Variants in SPRY3 observed in about 807,000 individuals in gnomAD.
SPRY3 encodes sprouty RTK signaling antagonist 3, also known as protein sprouty homolog 3.
A neutral mutation model predicts 20.2 loss-of-function variants in SPRY3; 15 were observed. The observed-to-expected ratio is 0.74, with a 90% CI of 0.50 to 1.14. The LOEUF is 1.14. Ranked by LOEUF, SPRY3 falls within the 50% of genes most tolerant of loss-of-function variation. The pLI, the probability that SPRY3 is intolerant of heterozygous loss-of-function variation, is 0.00. For synonymous variants in SPRY3, 143 were observed against 136.5 expected (o/e 1.05, Z -0.33); for missense variants, 364 against 363.9 (o/e 1.00, Z 0.00).
chrX:155,742,233 T>C lies in SPRY3; in HGVS notation c.-281-25729T>C, dbSNP rs773656713. ...AAAATAGATTTTAGACCAACAAAGATCAAAAAAGACAAAGGGCATTACATA... is the reference window on the plus strand; with the variant it reads ...AAAATAGATTTTAGACCAACAAAGACCAAAAAAGACAAAGGGCATTACATA... On this transcript the variant is annotated intron_variant, in intron 2 of 3. Transcript: ENST00000675360. Among the ~76,000 whole-genome samples the C allele has an allele frequency of 1.6e-4, 24 of 151,818 alleles. 1 individual carries two copies. In the South Asian group the frequency reaches 5.0e-3, roughly 32 times the overall value.
chrX:155,658,995 G>A (rs1557353279), intron 2 of SPRY3, among the ~76,000 whole-genome samples: 1 of 111,263 alleles, frequency 9.0e-6, no homozygotes, highest in East Asian at 2.8e-4. Flanking sequence ...TTATTAATTT[G>A]CATGTGTTGA....
chrX:155,711,516 C>A (rs777186993), intron 2 of SPRY3, among the ~76,000 whole-genome samples: 56 of 151,462 alleles, frequency 3.7e-4, no homozygotes, highest in Middle Eastern at 3.4e-3. Flanking sequence ...TGTTTCATCT[C>A]TGATTTTATT....
intron 2 of SPRY3, among the ~76,000 whole-genome samples, chrX:155,657,514 G>A (rs2067995926): frequency 8.9e-6 from 1 of 112,409 alleles, no homozygotes; most frequent in Non-Finnish European, 1.9e-5. Flanking sequence ...CTAGCAGCAA[G>A]AATTTCAAGC....
chrX:155,634,029 C>T (rs1268348989), intron 1 of SPRY3, among the ~76,000 whole-genome samples: 3 of 109,623 alleles, frequency 2.7e-5, no homozygotes, highest in East Asian at 2.9e-4. Flanking sequence ...TGCAGTGAGC[C>T]GAGGTCACGC....
At chrX:155,751,054 G>A (rs2091259855) in intron 2 of SPRY3, among the ~76,000 whole-genome samples, 2 of 151,814 alleles carry the variant, frequency 1.3e-5, no homozygotes, top group South Asian at 2.1e-4. Context: ...GTGAATGGCA[G>A]TAAAAAGTAA....
At chrX:155,770,379 C>T (rs993068608) in intron 3 of SPRY3, among the ~76,000 whole-genome samples, 2 of 152,124 alleles carry the variant, frequency 1.3e-5, no homozygotes, top group Non-Finnish European at 2.9e-5. Context: ...ATGGGCTTAG[C>T]TTTCTAGTCC....
intron 2 of SPRY3, among the ~76,000 whole-genome samples, chrX:155,707,943 G>A (rs1342452809): frequency 6.6e-6 from 1 of 151,144 alleles, no homozygotes; most frequent in Non-Finnish European, 1.5e-5. Flanking sequence ...AGATTTACAT[G>A]TGATCTTTGC....
intron 2 of SPRY3, among the ~76,000 whole-genome samples, chrX:155,760,136 A>C (rs1316031594): frequency 1.3e-5 from 2 of 152,248 alleles, no homozygotes; most frequent in Non-Finnish European, 2.9e-5. Context: ...GGAATAGAGT[A>C]GTAATCTCTC....
intron 2 of SPRY3, among the ~76,000 whole-genome samples, chrX:155,670,220 T>G (rs1352021623): frequency 9.0e-6 from 1 of 111,674 alleles, no homozygotes; most frequent in Non-Finnish European, 1.9e-5. Flanking sequence ...ATAGCCTTTA[T>G]TCCAGTGTGG....
At chrX:155,768,555 G>C (rs2091361498) in intron 3 of SPRY3, among the ~76,000 whole-genome samples, 1 of 152,202 alleles carries the variant, frequency 6.6e-6, no homozygotes, top group East Asian at 1.9e-4. Flanking sequence ...CATGGGGCTA[G>C]CCTCTGCTAT....
chrX:155,756,496 T>C (rs912654404), intron 2 of SPRY3, among the ~76,000 whole-genome samples: 4 of 152,040 alleles, frequency 2.6e-5, no homozygotes, highest in African/African-American at 7.2e-5. Flanking sequence ...TATATAAAGA[T>C]ATATTTGAAG....
intron 2 of SPRY3, among the ~76,000 whole-genome samples, chrX:155,672,446 C>T (rs2068043945): frequency 9.0e-6 from 1 of 111,280 alleles, no homozygotes; most frequent in Non-Finnish European, 1.9e-5. Flanking sequence ...TTTATGCAGC[C>T]AAAAGACACA....
intron 2 of SPRY3, among the ~76,000 whole-genome samples, chrX:155,730,484 C>A (rs1429653854): frequency 3.9e-5 from 6 of 152,100 alleles, no homozygotes; most frequent in African/African-American, 7.2e-5. Flanking sequence ...TAAAATTTGA[C>A]ATCGCTTCAT....
intron 2 of SPRY3, among the ~76,000 whole-genome samples, chrX:155,765,978 T>C (rs2091325917): frequency 6.6e-6 from 1 of 152,194 alleles, no homozygotes; most frequent in African/African-American, 2.4e-5. Flanking sequence ...GTTAGTACAG[T>C]GCTTGACACA....
exon 4 of SPRY3, chrX:155,774,612 G>A: frequency 1.9e-6 from 3 of 1,613,980 alleles, no homozygotes; most frequent in Non-Finnish European, 2.5e-6. Flanking sequence ...GCCTCCATCT[G>A]TGCCAACAGG....
intron 3 of SPRY3, among the ~76,000 whole-genome samples, chrX:155,773,318 A>T (rs953440446): frequency 6.9e-6 from 1 of 144,236 alleles, no homozygotes; most frequent in African/African-American, 2.6e-5. Flanking sequence ...ATATATATAT[A>T]TATATATATA....
At chrX:155,759,952 T>C (rs1394584302) in intron 2 of SPRY3, among the ~76,000 whole-genome samples, 1 of 152,228 alleles carries the variant, frequency 6.6e-6, no homozygotes, top group South Asian at 2.1e-4. Context: ...CTTCTTCAGA[T>C]AGAGTTTGAT....
chrX:155,712,939 A>G (rs1163385169), intron 2 of SPRY3, among the ~76,000 whole-genome samples: 1 of 152,074 alleles, frequency 6.6e-6, no homozygotes, highest in African/African-American at 2.4e-5. Context: ...GCATAAACAA[A>G]CATACATGCA....
downstream of SPRY3, chrX:155,778,467 T>G (rs2091443055): frequency 6.0e-6 from 1 of 167,064 alleles, no homozygotes; most frequent in African/African-American, 2.4e-5. Flanking sequence ...GTATTTTCAC[T>G]TGTGCCAAAG....
Sources: allele counts gnomAD v4.1 joint callset (sites outside exome capture counted in the v4.1 genomes callset), GRCh38; gene constraint gnomAD v4.1.1; transcripts MANE v1.5; gene names NCBI Gene and HGNC (gene_info 2026-07-23, HGNC 2026-07-21).